The following NBPF9 variants were observed in gnomAD, a reference collection of about 807,000 sequenced individuals.
The protein encoded by NBPF9 is NBPF family member NBPF9.
In NBPF9, 91 loss-of-function variants were observed where a neutral mutation model predicts 97.8. The ratio of observed to expected loss-of-function variants is 0.93; its 90% CI spans 0.79 to 1.11. The LOEUF is 1.11. Ranked by LOEUF, NBPF9 falls within the 50% of genes least tolerant of loss-of-function variation. The probability of loss-of-function intolerance (pLI) is 0.00; values close to 1 mark genes in which losing one functional copy is unlikely to be tolerated. For missense variants in NBPF9, 992 were observed against 939.5 expected, an observed-to-expected ratio of 1.06 and a Z score of -0.73; for synonymous variants, 334 against 359.5, an observed-to-expected ratio of 0.93 and a Z score of 0.80.
At chr1:149,098,601 T>G in exon 4 of NBPF9, 1 of 1,352,048 alleles carries the variant, frequency 7.4e-7, no homozygotes, top group Non-Finnish European at 9.6e-7. Flanking sequence ...CACACAGCAC[T>G]GAAGCTCCAG....
At chr1:149,064,605 G>A (rs587768168) in intron 18 of NBPF9, 123 bp from the exon 19 acceptor site, 3 of 665,958 alleles carry the variant, frequency 4.5e-6, no homozygotes, top group Non-Finnish European at 7.9e-6. Flanking sequence ...AGGAGACTTT[G>A]AGAGAAATAT....
At chr1:149,092,880 A>C (rs2081497181) in intron 4 of NBPF9, 1 of 515,898 alleles carries the variant, frequency 1.9e-6, no homozygotes, top group Non-Finnish European at 2.5e-6. Context: ...GGTTCAGTGA[A>C]GGGATGGGTT....
rs587682997 is a variant in NBPF9, at chr1:149,072,932, C to T, written c.1092G>A (p.Arg364=). The change falls in exon 14 of 30, where the codon AGG becomes AGA. Residue 364 remains arginine (R), a splice_region_variant and synonymous_variant. Transcript: ENST00000584027. ...GAGCGTGAACCAGGACTTTATATTG[C>T]CTAAGGTGAGATGGTAGAGAAAAAT... 5.7e-5 allele frequency: 92 copies of T among 1,606,684 alleles called. 3 individuals are homozygous for T. Among genetic ancestry groups the T allele is most frequent in the African/African-American group, 2.4e-4 (18 of 74,818 alleles).
Position 149,063,617 on chromosome 1 carries a change from A to G in NBPF9, c.2026+16T>C, listed in dbSNP as rs1351416399. 11 of 607,046 alleles carry G rather than the reference A, an allele frequency of 1.8e-5. No individual in the cohort carries two copies. Among genetic ancestry groups the G allele is most frequent in the Non-Finnish European group, 2.8e-5 (10 of 351,600 alleles). The allele number at this position is 607,046 out of a possible 1,614,324, so 37.6% of individuals were successfully genotyped here. Reference sequence around the variant, plus strand: ...GACTCAGTGGATCCTTATCACCTTCATAGAAAGGTACTCACCATCCATGTC... The same window carrying G: ...GACTCAGTGGATCCTTATCACCTTCGTAGAAAGGTACTCACCATCCATGTC... On this transcript the variant is annotated intron_variant, in intron 20 of 29. Coordinates refer to ENST00000584027, the Ensembl canonical transcript of NBPF9.
intron 15 of NBPF9, 74 bp downstream of exon 15, chr1:149,071,530 C>T: frequency 3.0e-6 from 3 of 990,380 alleles, no homozygotes; most frequent in South Asian, 1.3e-5. Flanking sequence ...ATCATAGATG[C>T]CAGAGAGGGT....
At position 149,081,989 on chromosome 1, in the gene NBPF9, G is replaced by A. The variant is rs1463739442; in HGVS notation, c.151C>T (p.Leu51=). The A allele has an allele frequency of 9.2e-5, 148 of 1,603,506 alleles. No individual in the cohort carries two copies. The African/African-American group carries it at 1.9e-3, about 20-fold the overall frequency. Residue 51 remains leucine (L), a synonymous_variant, in exon 7 of 30, where the codon CTG becomes TTG. Transcript: ENST00000584027. ...CTGTATTTCTTCTGTCGGTTGGCCA[G>A]GAAGCCGGCCAGTTGAGTTAGAAAA...
At chr1:149,080,023 C>G in intron 8 of NBPF9, 30 bp downstream of exon 8, 2 of 1,582,576 alleles carry the variant, frequency 1.3e-6, no homozygotes, top group Admixed American at 1.7e-5. Flanking sequence ...CACACCTACC[C>G]GCCTGCCTCC....
exon 7 of NBPF9, chr1:149,082,053 T>A: frequency 6.2e-7 from 1 of 1,611,318 alleles, no homozygotes; most frequent in African/African-American, 1.3e-5. Context: ...GTTTGTTCTC[T>A]GCCAACTGGG....
At chr1:149,076,812 C>G (rs2079914582) in intron 11 of NBPF9, among the ~76,000 whole-genome samples, 1 of 151,598 alleles carries the variant, frequency 6.6e-6, no homozygotes, top group African/African-American at 2.4e-5. Flanking sequence ...CCAGCCGAGA[C>G]TTATTAATAG....
intron 14 of NBPF9, among the ~76,000 whole-genome samples, chr1:149,072,290 A>G (rs1403707491): frequency 6.6e-6 from 1 of 151,740 alleles, no homozygotes; most frequent in East Asian, 1.9e-4. Flanking sequence ...GACCCTTGCA[A>G]GAGACAATTT....
At chr1:149,095,290 G>T (rs1388145617) in intron 4 of NBPF9, among the ~76,000 whole-genome samples, 3 of 150,338 alleles carry the variant, frequency 2.0e-5, no homozygotes, top group South Asian at 2.1e-4. Flanking sequence ...ATAAATCCAG[G>T]TATGCATGTT....
At chr1:149,086,413 T>C (rs2081007080) in intron 5 of NBPF9, among the ~76,000 whole-genome samples, 1 of 149,022 alleles carries the variant, frequency 6.7e-6, no homozygotes, top group South Asian at 2.2e-4. Flanking sequence ...CAGGAGCCAT[T>C]TAGTATTAAA....
chr1:149,072,993 T>C lies in NBPF9; in HGVS notation c.1092-61A>G, dbSNP rs1374397684. 2.4e-5 allele frequency: 38 copies of C among 1,563,154 alleles called. 1 individual carries two copies. The highest frequency in any genetic ancestry group is 3.2e-5 in the Non-Finnish European group (36 of 1,135,664). ...AAGGGTTGAGTGATCCGCTCAAATA[T>C]TGCAACAGAGATTTCTGAAACAGTG... On this transcript the variant is annotated intron_variant, in intron 13 of 29. Transcript: ENST00000584027.
exon 11 of NBPF9, chr1:149,077,375 A>C: frequency 1.2e-6 from 2 of 1,610,064 alleles, no homozygotes; most frequent in Non-Finnish European, 1.7e-6. Flanking sequence ...ACATTCCTCC[A>C]GTGAGTCCTC....
chr1:149,082,875 G>A (rs1247076476), intron 5 of NBPF9, among the ~76,000 whole-genome samples: 3 of 146,376 alleles, frequency 2.0e-5, no homozygotes, highest in Non-Finnish European at 4.5e-5. Context: ...TGCCTCCCAG[G>A]TTCACGCTAT....
At chr1:149,101,592 C>T (rs1553663329) in intron 2 of NBPF9, among the ~76,000 whole-genome samples, 8 of 151,950 alleles carry the variant, frequency 5.3e-5, no homozygotes. Flanking sequence ...AGGCACTTCA[C>T]AAAAGAGGAC....
rs1486678384 is a variant in NBPF9, at chr1:149,055,469, C to T, written c.*187G>A. 4.0e-5 allele frequency: 45 copies of T among 1,120,614 alleles called. No homozygotes were observed. In the South Asian group the frequency reaches 5.1e-4, roughly 13 times the overall value. 69.4% of individuals were successfully genotyped at this position (1,120,614 alleles called of 1,614,324 possible). ...AGTTATGTGAACGTGTCACACCTAA[C>T]GTGGGTCCATTGTCTTCAGACTGAG... On this transcript the variant is annotated 3_prime_UTR_variant, in exon 30 of 30. Coordinates refer to ENST00000584027, the Ensembl canonical transcript of NBPF9.
rs782772160 is a variant in NBPF9, at chr1:149,055,851, G to A, written c.3141C>T (p.Asp1047=). 4 of 1,606,556 alleles carry A rather than the reference G, an allele frequency of 2.5e-6. No individual in the cohort carries two copies. In the African/African-American group the frequency reaches 5.4e-5, roughly 22 times the overall value. Residue 1047 remains aspartate, a synonymous_variant, in exon 30 of 30, where the codon GAC becomes GAT. Coordinates refer to ENST00000584027, the Ensembl canonical transcript of NBPF9. ...GAGTAGAATAACATCCATCCAGTGA[G>A]TCCTGCAAGACTTCAGGCTCTTCCA...
chr1:149,073,251 A>C (rs1311297178), intron 13 of NBPF9, among the ~76,000 whole-genome samples: 4 of 146,102 alleles, frequency 2.7e-5, no homozygotes, highest in Non-Finnish European at 4.5e-5. Flanking sequence ...GGACATTTCC[A>C]TGTGAAAATA....
Sources: gnomAD v4.1 joint callset for allele counts (sites outside exome capture counted in the v4.1 genomes callset) on GRCh38, gnomAD v4.1.1 for gene constraint, MANE v1.5 for transcripts, NCBI Gene and HGNC (gene_info 2026-07-23, HGNC 2026-07-21) for gene names.